RNF122: variants seen among roughly 807,000 people sequenced by gnomAD.
The protein encoded by RNF122 is ring finger protein 122.
Under a neutral mutation model 24.2 loss-of-function variants are expected in RNF122, and 17 were observed. That is an observed-to-expected ratio of 0.70 (90% CI 0.48 to 1.06). The LOEUF (loss-of-function observed/expected upper bound fraction) is 1.06, where lower values mean the gene tolerates loss of function less well. RNF122 is among the 50% of genes least tolerant of loss of function. The pLI is 0.00. For synonymous variants in RNF122, 65 were observed against 71.8 expected, an observed-to-expected ratio of 0.91 and a Z score of 0.48; for missense variants, 168 against 198.1, an observed-to-expected ratio of 0.85 and a Z score of 0.91.
chr8:33,554,571 G>A (rs1411824403), intron 2 of RNF122, among the ~76,000 whole-genome samples: 4 of 152,176 alleles, frequency 2.6e-5, no homozygotes, highest in Admixed American at 6.5e-5. Context: ...CGAAAAGCTT[G>A]CAAGGAAACC....
At position 33,548,829 on chromosome 8, in the gene RNF122, G is replaced by C; in HGVS notation, c.392C>G (p.Pro131Arg). The change falls in exon 6 of 6, where the codon CCC becomes CGC. Residue 131 changes from proline (P) to arginine (R), a missense_variant. Coordinates refer to ENST00000256257, the MANE Select transcript of RNF122 (RefSeq NM_024787.3). Reference sequence around the variant, plus strand: ...ACTAGCAATGGGCTTGTTACACATGGGGCAGACACAGCGAACTTCCAGCCA... The same window carrying C: ...ACTAGCAATGGGCTTGTTACACATGCGGCAGACACAGCGAACTTCCAGCCA... The part of the protein sequence containing the change: ...VKWLEVRCVC[P>R]MCNKPIASPS... 6.2e-7 allele frequency: 1 copy of C among 1,613,990 alleles called. No individual in the cohort carries two copies. Among genetic ancestry groups the C allele is most frequent in the Non-Finnish European group, 8.5e-7 (1 of 1,179,972 alleles).
chr8:33,564,366 AGTG>A (rs1810589918), intron 1 of RNF122, among the ~76,000 whole-genome samples: 1 of 151,254 alleles, frequency 6.6e-6, no homozygotes, highest in Non-Finnish European at 1.5e-5. Context: ...TAGGCAATGT[AGTG>A]AAACCCTATC....
rs913196344 is a variant in RNF122, at chr8:33,547,913, A to G, written c.*840T>C. On this transcript the variant is annotated 3_prime_UTR_variant, in exon 6 of 6. Coordinates refer to ENST00000256257, the MANE Select transcript of RNF122 (RefSeq NM_024787.3). ...GGCGAGGATGAAGTATAAAAATACT[A>G]TTTACAAAGGGAAGGAGGTATCTGT... The G allele has an allele frequency of 7.1e-6, 1 of 139,948 alleles. No individual in the cohort carries two copies. Among genetic ancestry groups the G allele is most frequent in the African/African-American group, 2.6e-5 (1 of 37,988 alleles). The allele number at this position is 139,948 out of a possible 1,614,324, so 8.7% of individuals were successfully genotyped here.
At chr8:33,555,912 A>C (rs1296154301) in intron 2 of RNF122, among the ~76,000 whole-genome samples, 1 of 152,212 alleles carries the variant, frequency 6.6e-6, no homozygotes, top group Non-Finnish European at 1.5e-5. Flanking sequence ...TCATGCCTGT[A>C]ATCCCAGCAC....
intron 1 of RNF122, among the ~76,000 whole-genome samples, chr8:33,565,724 G>A (rs1199085965): frequency 6.6e-6 from 1 of 152,212 alleles, no homozygotes; most frequent in African/African-American, 2.4e-5. Flanking sequence ...CTGGAGGTGT[G>A]GCCTTCACTT....
At chr8:33,550,925 G>A in intron 4 of RNF122, 119 bp downstream of exon 4, 2 of 904,616 alleles carry the variant, frequency 2.2e-6, no homozygotes, top group South Asian at 2.7e-5. Flanking sequence ...TTTGGCCAAA[G>A]GAGATATGAA....
intron 2 of RNF122, among the ~76,000 whole-genome samples, chr8:33,555,195 G>T (rs188219023): frequency 7.3e-4 from 110 of 151,000 alleles, no homozygotes; most frequent in Middle Eastern, 3.4e-3. Context: ...TGTTTTTTTG[G>T]GTTTTTTTTT....
At position 33,554,235 on chromosome 8, in the gene RNF122, C is replaced by T. The variant is rs559453269; in HGVS notation, c.183-2846G>A. ...GACACTGTTGCTCTGTTATGAGGCA[C>T]GTGCAGAGTAAATAAGGAAGTGGTG... is the stretch of plus-strand genomic sequence containing the variant. On this transcript the variant is annotated intron_variant, in intron 2 of 5. Transcript: ENST00000256257. 1.7e-4 allele frequency among the ~76,000 whole-genome samples: 26 copies of T among 152,230 alleles called. 1 individual carries two copies. Among genetic ancestry groups the T allele is most frequent in the Admixed American group, 1.2e-3 (19 of 15,292 alleles).
chr8:33,566,637 G>A (rs1050989494), intron 1 of RNF122, 62 bp downstream of exon 1: 3 of 1,534,126 alleles, frequency 2.0e-6, no homozygotes, highest in Non-Finnish European at 2.7e-6. Flanking sequence ...GTCCGACCTC[G>A]CACCCCGCGC....
At position 33,548,188 on chromosome 8, in the gene RNF122, T is replaced by A. The variant is rs758914485; in HGVS notation, c.*565A>T. On this transcript the variant is annotated 3_prime_UTR_variant, in exon 6 of 6. Coordinates refer to ENST00000256257, the MANE Select transcript of RNF122 (RefSeq NM_024787.3). ...GTCAGCTGGCGCCCGCCAGCCTTTG[T>A]TTCCATAGGTCCCATGTAAACACTG... 5.2e-5 allele frequency: 8 copies of A among 152,584 alleles called. No individual in the cohort carries two copies. Among genetic ancestry groups the A allele is most frequent in the Admixed American group, 1.3e-4 (2 of 15,268 alleles). The allele number at this position is 152,584 out of a possible 1,614,324, so 9.5% of individuals were successfully genotyped here. A position where few individuals can be genotyped will look rare whatever the true frequency, so the allele number is the denominator to read the frequency against.
At chr8:33,559,848 T>G (rs1316634999) in intron 1 of RNF122, among the ~76,000 whole-genome samples, 9 of 151,610 alleles carry the variant, frequency 5.9e-5, no homozygotes, top group African/African-American at 2.2e-4. Flanking sequence ...CTGTTTTTTT[T>G]TTTTTTTTTT....
Position 33,566,691 on chromosome 8 carries a change from G to A in RNF122, c.25+8C>T, listed in dbSNP as rs1378636717. On this transcript the variant is annotated splice_region_variant and intron_variant, in intron 1 of 5. Coordinates refer to ENST00000256257, the MANE Select transcript of RNF122 (RefSeq NM_024787.3). ...CACGTAGGCTCGGCCCTCGCCCCGG[G>A]GACTCACCGTTACACCACTGGAATG... is the stretch of plus-strand genomic sequence containing the variant. 6.2e-6 allele frequency: 10 copies of A among 1,601,444 alleles called. No individual in the cohort carries two copies. The highest frequency in any genetic ancestry group is 5.3e-5 in the African/African-American group (4 of 74,770).
At chr8:33,559,907 T>A (rs1207629910) in intron 1 of RNF122, among the ~76,000 whole-genome samples, 1 of 150,544 alleles carries the variant, frequency 6.6e-6, no homozygotes, top group Non-Finnish European at 1.5e-5. Flanking sequence ...AGTGGCGTGA[T>A]CTTGGCTCAC....
rs1195365806 is a variant in RNF122, at chr8:33,555,149, G to A, written c.182+3466C>T. 5.9e-5 allele frequency among the ~76,000 whole-genome samples: 9 copies of A among 152,132 alleles called. No homozygotes were observed. The East Asian group carries it at 1.7e-3, about 29-fold the overall frequency. On this transcript the variant is annotated intron_variant, in intron 2 of 5. Coordinates refer to ENST00000256257, the MANE Select transcript of RNF122 (RefSeq NM_024787.3). ...GCTCAGTAGCACCACAGTGGGGTCA[G>A]CTTTTAGCATCATGTGGTTACTGTT...
chr8:33,553,554 G>C (rs955893353), intron 2 of RNF122, among the ~76,000 whole-genome samples: 2 of 152,032 alleles, frequency 1.3e-5, no homozygotes, highest in Admixed American at 1.3e-4. Context: ...CTGAACAACT[G>C]AGTGAGACTC....
At chr8:33,561,619 T>G (rs540020385) in intron 1 of RNF122, among the ~76,000 whole-genome samples, 1 of 152,046 alleles carries the variant, frequency 6.6e-6, no homozygotes, top group South Asian at 2.1e-4. Context: ...CTTGGCTCAC[T>G]GCAACCTCTG....
At position 33,551,398 on chromosome 8, in the gene RNF122, AAG is replaced by A; in HGVS notation, c.183-11_183-10del. 1 of 1,614,122 alleles carries A rather than the reference AAG, an allele frequency of 6.2e-7. No homozygotes were observed. The highest frequency in any genetic ancestry group is 8.5e-7 in the Non-Finnish European group (1 of 1,179,964). On this transcript the variant is annotated splice_polypyrimidine_tract_variant and intron_variant, in intron 2 of 5. Transcript: ENST00000256257. ...CCTGGTTCCGCAGTTTGCTGGGAGA[AAG>A]AGAAAAAAATTAGAGAAAGCAGGTT... is the stretch of plus-strand genomic sequence containing the variant.
chr8:33,561,936 C>T (rs1315901176), intron 1 of RNF122, among the ~76,000 whole-genome samples: 4 of 152,110 alleles, frequency 2.6e-5, no homozygotes, highest in Non-Finnish European at 5.9e-5. Context: ...TCACAACTTC[C>T]TACTTAAAAG....
chr8:33,551,897 G>A (rs907056808), intron 2 of RNF122, among the ~76,000 whole-genome samples: 2 of 152,150 alleles, frequency 1.3e-5, no homozygotes, highest in Admixed American at 6.5e-5. Flanking sequence ...CAACACAGAC[G>A]ATGCCTCCTT....
Sources: gnomAD v4.1 joint callset for allele counts (sites outside exome capture counted in the v4.1 genomes callset) on GRCh38, gnomAD v4.1.1 for gene constraint, MANE v1.5 for transcripts, NCBI Gene and HGNC (gene_info 2026-07-23, HGNC 2026-07-21) for gene names.